Variants in KCNG2 observed in about 807,000 individuals in gnomAD.
The protein encoded by KCNG2 is voltage-gated potassium channel regulatory subunit KCNG2.
In KCNG2, 7 loss-of-function variants were observed where a neutral mutation model predicts 12.3. The ratio of observed to expected loss-of-function variants is 0.57; its 90% CI spans 0.32 to 1.07. The LOEUF (loss-of-function observed/expected upper bound fraction) is 1.07, where lower values mean the gene tolerates loss of function less well. Ranked by LOEUF, KCNG2 falls within the 50% of genes least tolerant of loss-of-function variation. The pLI, the probability that KCNG2 is intolerant of heterozygous loss-of-function variation, is 0.04. For missense variants in KCNG2, 703 were observed against 726.0 expected (o/e 0.97, Z 0.36); for synonymous variants, 414 against 351.4 (o/e 1.18, Z -1.99).
chr18:79,888,025 C>T (rs187932853), intron 3 of KCNG2, among the ~76,000 whole-genome samples: 55 of 152,352 alleles, frequency 3.6e-4, no homozygotes, highest in African/African-American at 1.3e-3. Flanking sequence ...ATGCATTTAA[C>T]ACCCTTTAAA....
intron 1 of KCNG2, among the ~76,000 whole-genome samples, chr18:79,817,022 GTT>G (rs2087534169): frequency 6.7e-6 from 1 of 148,516 alleles, no homozygotes; most frequent in Non-Finnish European, 1.5e-5. Flanking sequence ...CTGCCACACG[GTT>G]GTCACGCAGC....
intron 3 of KCNG2, 31 bp downstream of exon 3, chr18:79,864,322 GC>G: frequency 6.9e-7 from 1 of 1,452,136 alleles, no homozygotes; most frequent in Non-Finnish European, 9.1e-7. Flanking sequence ...CGGGGACCGG[GC>G]CGGAGCTGGG....
intron 3 of KCNG2, among the ~76,000 whole-genome samples, chr18:79,889,145 G>A (rs568930134): frequency 3.3e-5 from 5 of 152,136 alleles, no homozygotes; most frequent in Admixed American, 6.5e-5. Context: ...AGGCACAAAA[G>A]TTTTTAATTT....
At chr18:79,883,925 T>C (rs2123114284) in intron 3 of KCNG2, among the ~76,000 whole-genome samples, 1 of 152,248 alleles carries the variant, frequency 6.6e-6, no homozygotes, top group Non-Finnish European at 1.5e-5. Context: ...CACCGGCACG[T>C]CCACGAGGGC....
chr18:79,892,584 A>ACAGC (rs1980781576), intron 3 of KCNG2, among the ~76,000 whole-genome samples: 1 of 152,250 alleles, frequency 6.6e-6, no homozygotes, highest in South Asian at 2.1e-4. Flanking sequence ...CAAGCCATTC[A>ACAGC]TAACAATTGA....
At chr18:79,871,948 G>A (rs1979849203) in intron 3 of KCNG2, among the ~76,000 whole-genome samples, 2 of 152,194 alleles carry the variant, frequency 1.3e-5, no homozygotes, top group African/African-American at 2.4e-5. Context: ...GCTGCTCTGG[G>A]GCCGCACAAT....
chr18:79,888,320 C>T (rs1174812082), intron 3 of KCNG2, among the ~76,000 whole-genome samples: 2 of 152,138 alleles, frequency 1.3e-5, no homozygotes, highest in African/African-American at 2.4e-5. Flanking sequence ...CCCCAGCCCA[C>T]ATCTGGGGCT....
intron 3 of KCNG2, among the ~76,000 whole-genome samples, chr18:79,890,530 C>T (rs1980708441): frequency 6.6e-6 from 1 of 152,128 alleles, no homozygotes; most frequent in African/African-American, 2.4e-5. Context: ...CCATGAGCAC[C>T]CAACGTTTAG....
Position 79,899,849 on chromosome 18 carries a change from C to T in KCNG2, c.*33C>T, listed in dbSNP as rs769595833. 1.8e-5 allele frequency: 23 copies of T among 1,312,842 alleles called. No individual in the cohort carries two copies. The African/African-American group carries it at 2.5e-4, about 14-fold the overall frequency. 81.3% of individuals were successfully genotyped at this position (1,312,842 alleles called of 1,614,324 possible). On this transcript the variant is annotated 3_prime_UTR_variant, in exon 4 of 4. Coordinates refer to ENST00000316249, the MANE Select transcript of KCNG2 (RefSeq NM_012283.2). ...GCCGCCCACACGGAGACCCCCTGCC[C>T]CCTCCAGCTGCAGCGTCGGGACCCC...
chr18:79,826,584 G>A (rs1208250933), intron 1 of KCNG2, among the ~76,000 whole-genome samples: 43 of 138,118 alleles, frequency 3.1e-4, no homozygotes, highest in Admixed American at 7.7e-5. Context: ...AGTTCGGCGC[G>A]TTACGTCATT....
intron 2 of KCNG2, among the ~76,000 whole-genome samples, 39 bp downstream of exon 2, chr18:79,856,491 G>A (rs1346459647): frequency 1.3e-5 from 2 of 152,166 alleles, no homozygotes; most frequent in Admixed American, 6.5e-5. Flanking sequence ...GAAACCTCAA[G>A]TCGTACTGGG....
intron 3 of KCNG2, among the ~76,000 whole-genome samples, chr18:79,897,221 A>G (rs1981010401): frequency 6.6e-6 from 1 of 151,944 alleles, no homozygotes; most frequent in Non-Finnish European, 1.5e-5. Context: ...ATTGGTGCAT[A>G]TAACGGTGTC....
intron 3 of KCNG2, among the ~76,000 whole-genome samples, chr18:79,882,736 ATGGAGTGGCGAGGCTGCCG>A (rs1216543548): frequency 6.6e-6 from 1 of 151,388 alleles, no homozygotes; most frequent in African/African-American, 2.4e-5. Flanking sequence ...CGAGGCTGCC[ATGGAGTGGCGAGGCTGCCG>A]TGGAGCGCGG....
intron 3 of KCNG2, among the ~76,000 whole-genome samples, chr18:79,895,686 T>TA (rs1368752228): frequency 2.0e-5 from 3 of 151,968 alleles, no homozygotes; most frequent in African/African-American, 2.4e-5. Context: ...TTACGATTGA[T>TA]ATAGTTGAGT....
intron 3 of KCNG2, among the ~76,000 whole-genome samples, chr18:79,879,823 A>G (rs1398925957): frequency 6.6e-6 from 1 of 152,152 alleles, no homozygotes; most frequent in Non-Finnish European, 1.5e-5. Context: ...ACTTCAGGGA[A>G]AAAAGAATAT....
intron 1 of KCNG2, among the ~76,000 whole-genome samples, chr18:79,829,885 G>A (rs770815487): frequency 1.6e-4 from 25 of 152,234 alleles, no homozygotes; most frequent in Non-Finnish European, 3.1e-4. Context: ...TTAGGAAAAG[G>A]CAGAGAGGAG....
chr18:79,852,660 C>G (rs964389129), intron 1 of KCNG2, among the ~76,000 whole-genome samples: 1 of 152,258 alleles, frequency 6.6e-6, no homozygotes, highest in East Asian at 1.9e-4. Flanking sequence ...GGCTCACCAG[C>G]GCCTGCACCT....
chr18:79,821,736 G>T (rs1599370505), intron 1 of KCNG2, among the ~76,000 whole-genome samples: 1 of 152,182 alleles, frequency 6.6e-6, no homozygotes, highest in Admixed American at 6.5e-5. Flanking sequence ...AAAATCACTT[G>T]ATCATAGGTG....
chr18:79,865,086 GGTCT>G lies in KCNG2; in HGVS notation c.624+798_624+801del, dbSNP rs565736096. On this transcript the variant is annotated intron_variant, in intron 3 of 3. Coordinates refer to ENST00000316249, the MANE Select transcript of KCNG2 (RefSeq NM_012283.2). ...GTGTGCTGAGAGGACCTTGTGCTGA[GGTCT>G]GTGTGCTGAGAGGACCTTGTGCCGA... 1.5e-3 allele frequency among the ~76,000 whole-genome samples: 222 copies of G among 151,156 alleles called. 1 individual carries two copies. Among genetic ancestry groups the G allele is most frequent in the African/African-American group, 4.8e-3 (199 of 41,048 alleles).
Sources: allele counts gnomAD v4.1 joint callset (sites outside exome capture counted in the v4.1 genomes callset), GRCh38; gene constraint gnomAD v4.1.1; transcripts MANE v1.5; gene names NCBI Gene and HGNC (gene_info 2026-07-23, HGNC 2026-07-21).